DOCK9: variants seen among roughly 807,000 people sequenced by gnomAD.
DOCK9 encodes dedicator of cytokinesis protein 9.
In DOCK9, 89 loss-of-function variants were observed where a neutral mutation model predicts 263.3. The observed-to-expected ratio is 0.34, with a 90% CI of 0.28 to 0.40. DOCK9 has a LOEUF of 0.40. DOCK9 is among the 10% of genes least tolerant of loss of function. DOCK9 has a pLI of 1.00. For synonymous variants in DOCK9, 976 were observed against 973.1 expected, an observed-to-expected ratio of 1.00 and a Z score of -0.06; for missense variants, 2,140 against 2,603.4, an observed-to-expected ratio of 0.82 and a Z score of 3.87.
At chr13:99,037,741 TGATA>T (rs1888038246) in intron 1 of DOCK9, among the ~76,000 whole-genome samples, 1 of 152,082 alleles carries the variant, frequency 6.6e-6, no homozygotes, top group Admixed American at 6.6e-5. Flanking sequence ...ACTAACTGAC[TGATA>T]AATTACAGTA....
Position 98,953,353 on chromosome 13 carries a change from C to T in DOCK9, c.243+2082G>A, listed in dbSNP as rs2057666552. On this transcript the variant is annotated intron_variant, in intron 2 of 52. Coordinates refer to ENST00000682017, the MANE Select transcript of DOCK9 (RefSeq NM_001366683.2). ...TTCCTAGAATATTTGTGCCTGCTAT[C>T]ACCAGAGTAGTTAAAAGCAAAGGGG... 1.3e-5 allele frequency among the ~76,000 whole-genome samples: 2 copies of T among 152,222 alleles called. 1 individual carries two copies. Among genetic ancestry groups the T allele is most frequent in the Non-Finnish European group, 2.9e-5 (2 of 68,036 alleles).
chr13:98,946,982 T>C (rs2056799321), intron 2 of DOCK9, among the ~76,000 whole-genome samples: 1 of 152,256 alleles, frequency 6.6e-6, no homozygotes, highest in Non-Finnish European at 1.5e-5. Context: ...CAGTCCGTCA[T>C]GCTCTCGGCC....
chr13:98,874,050 A>G (rs1449511545), intron 27 of DOCK9, among the ~76,000 whole-genome samples: 2 of 152,230 alleles, frequency 1.3e-5, no homozygotes, highest in East Asian at 3.8e-4. Flanking sequence ...CATAAAATTC[A>G]GACTTTAAAA....
At chr13:98,942,230 T>TG (rs1491510675) in intron 2 of DOCK9, among the ~76,000 whole-genome samples, 1 of 91,128 alleles carries the variant, frequency 1.1e-5, no homozygotes, top group African/African-American at 3.9e-5. Context: ...GTTTTTTTTT[T>TG]TGTTGTTTTT....
At position 98,829,879 on chromosome 13, in the gene DOCK9, G is replaced by GC. The variant is rs979406102; in HGVS notation, c.4636-124dup. On this transcript the variant is annotated intron_variant, in intron 41 of 52. Transcript: ENST00000682017. This position sits in a 1 kb window ranked among gnomAD's most constrained non-coding sequence, Gnocchi z 4.1. Reference sequence around the variant, plus strand: ...AAGTGGGGGTTGGGGGGTGCTTTGAGCAGGGGTCGCTCCGTGTAGGAAACA... The same window carrying GC: ...AAGTGGGGGTTGGGGGGTGCTTTGAGCCAGGGGTCGCTCCGTGTAGGAAACA... 4.4e-5 allele frequency: 32 copies of GC among 735,190 alleles called. No individual in the cohort carries two copies. The highest frequency in any genetic ancestry group is 4.7e-6 in the Non-Finnish European group (2 of 422,884). The allele number at this position is 735,190 out of a possible 1,614,324, so 45.5% of individuals were successfully genotyped here. A position where few individuals can be genotyped will look rare whatever the true frequency, so the allele number is the denominator to read the frequency against.
Position 98,880,574 on chromosome 13 carries a change from A to G in DOCK9, c.2844T>C (p.Asp948=). The G allele has an allele frequency of 6.2e-7, 1 of 1,613,942 alleles. No homozygotes were observed. The highest frequency in any genetic ancestry group is 8.5e-7 in the Non-Finnish European group (1 of 1,179,872). The change falls in exon 26 of 53, where the codon GAT becomes GAC. Residue 948 remains aspartate, a synonymous_variant. Transcript: ENST00000682017. ...TCAGTAGTTTGTTGCTGGTGAGGAA[A>G]TCGGCAGAAGGCTTGAGAATCGTGG... is the stretch of plus-strand genomic sequence containing the variant. The part of the protein sequence containing the change: ...SMTTILKPSA[D]FLTSNKLLKY...
chr13:98,843,584 T>C (rs569830893), intron 38 of DOCK9, among the ~76,000 whole-genome samples: 4 of 152,300 alleles, frequency 2.6e-5, no homozygotes, highest in African/African-American at 7.2e-5. Flanking sequence ...GCAGGAATTG[T>C]AGGAATGCAG....
At chr13:98,823,529 C>T (rs1459050448) in intron 45 of DOCK9, among the ~76,000 whole-genome samples, 2 of 152,214 alleles carry the variant, frequency 1.3e-5, no homozygotes, top group Admixed American at 6.5e-5. Context: ...TCTTGGCTTG[C>T]TCTTTCACTC....
chr13:98,832,804 TA>T (rs112452096), intron 39 of DOCK9, among the ~76,000 whole-genome samples: 91 of 151,610 alleles, frequency 6.0e-4, no homozygotes, highest in African/African-American at 2.0e-3. Context: ...TTGACATTAA[TA>T]AAAAAAAATG....
rs536474465 is a variant in DOCK9 at position 98,838,654 on chromosome 13, T to G, written c.4199-1045A>C. Among the ~76,000 whole-genome samples the G allele has an allele frequency of 3.9e-5, 6 of 152,312 alleles. No homozygotes were observed. The South Asian group carries it at 1.2e-3, about 32-fold the overall frequency. On this transcript the variant is annotated intron_variant, in intron 38 of 52. Transcript: ENST00000682017. Reference sequence around the variant, plus strand: ...ATTTGACATACAAGTTGAGATTAAATTATGAAATGGTATGCATTAGCAGAA... The same window carrying G: ...ATTTGACATACAAGTTGAGATTAAAGTATGAAATGGTATGCATTAGCAGAA...
intron 2 of DOCK9, among the ~76,000 whole-genome samples, chr13:98,944,296 G>A (rs1247883863): frequency 2.1e-5 from 3 of 142,222 alleles, no homozygotes; most frequent in African/African-American, 7.8e-5. Flanking sequence ...AGTTACATGT[G>A]TAGTTAATGT....
chr13:98,882,978 A>G, intron 23 of DOCK9, 64 bp downstream of exon 23: 1 of 1,417,060 alleles, frequency 7.1e-7, no homozygotes, highest in South Asian at 1.3e-5. Flanking sequence ...ACTCACCACC[A>G]AAGAGAAAAC....
intron 2 of DOCK9, among the ~76,000 whole-genome samples, chr13:98,937,539 CTTAG>C (rs1476249171): frequency 6.6e-6 from 1 of 152,076 alleles, no homozygotes; most frequent in Non-Finnish European, 1.5e-5. Context: ...CTAAGAAATT[CTTAG>C]TTACCTTCAG....
intron 36 of DOCK9, among the ~76,000 whole-genome samples, chr13:98,849,137 G>C (rs977168368): frequency 6.6e-6 from 1 of 151,820 alleles, no homozygotes; most frequent in Non-Finnish European, 1.5e-5. Flanking sequence ...TGTATTTAAT[G>C]AGGTAGTTAA....
intron 37 of DOCK9, chr13:98,846,792 T>G (rs2093406523): frequency 2.8e-6 from 1 of 357,266 alleles, no homozygotes; most frequent in Non-Finnish European, 5.5e-6. Context: ...AAAGTGACAA[T>G]AAGAAGGCAC....
chr13:98,886,590 G>C lies in DOCK9; in HGVS notation c.2078C>G (p.Thr693Arg), dbSNP rs2045723573. 1.9e-6 allele frequency: 3 copies of C among 1,613,878 alleles called. No homozygotes were observed. The highest frequency in any genetic ancestry group is 4.5e-5 in the East Asian group (2 of 44,876). Reference sequence around the variant, plus strand: ...TAAAACTGCAGCAAAGGCGCTTCTTGTGAAAACTGGCCCACCAGGTCTGCC... The same window carrying C: ...TAAAACTGCAGCAAAGGCGCTTCTTCTGAAAACTGGCCCACCAGGTCTGCC... ...IYGRPGGPVF[T>R]RSAFAAVLHH... Residue 693 changes from threonine (T) to arginine (R), a missense_variant, in exon 19 of 53, where the codon ACA becomes AGA. Coordinates refer to ENST00000682017, the MANE Select transcript of DOCK9 (RefSeq NM_001366683.2).
intron 47 of DOCK9, among the ~76,000 whole-genome samples, chr13:98,808,062 A>C (rs2090921790): frequency 6.6e-6 from 1 of 152,226 alleles, no homozygotes; most frequent in Non-Finnish European, 1.5e-5. Flanking sequence ...TTTGGATACA[A>C]GACTAAGCTG....
intron 45 of DOCK9, among the ~76,000 whole-genome samples, chr13:98,819,913 T>C (rs2092155579): frequency 6.6e-6 from 1 of 152,276 alleles, no homozygotes; most frequent in African/African-American, 2.4e-5. Flanking sequence ...AGCCAGAGAC[T>C]GGCCTAGTTA....
chr13:98,867,148 A>C, intron 30 of DOCK9: 1 of 502,814 alleles, frequency 2.0e-6, no homozygotes, highest in South Asian at 1.7e-5. Context: ...AATAAAAATA[A>C]GCTATAGCAA....
Sources: gnomAD v4.1 joint callset for allele counts (sites outside exome capture counted in the v4.1 genomes callset) on GRCh38, gnomAD v4.1.1 for gene constraint, Gnocchi (gnomAD v3.1) non-coding constraint, MANE v1.5 for transcripts, NCBI Gene and HGNC (gene_info 2026-07-23, HGNC 2026-07-21) for gene names.